The following FBXO8 variants were observed in gnomAD, a reference collection of about 807,000 sequenced individuals.
The protein encoded by FBXO8 is F-box only protein 8.
FBXO8 carries 15 observed loss-of-function variants against 33.4 expected under a neutral mutation model. The observed-to-expected ratio is 0.45, with a 90% CI of 0.30 to 0.69. The LOEUF (loss-of-function observed/expected upper bound fraction) is 0.69, where lower values mean the gene tolerates loss of function less well. FBXO8 is among the 30% of genes least tolerant of loss of function. The probability of loss-of-function intolerance (pLI) is 0.08; values close to 1 mark genes in which losing one functional copy is unlikely to be tolerated. For synonymous variants in FBXO8, 132 were observed against 131.5 expected (o/e 1.00, Z -0.02); for missense variants, 274 against 380.3 (o/e 0.72, Z 2.32).
In FBXO8 at chr4:174,241,737, A is replaced by G. The variant is rs1324180235; in HGVS notation, c.457-519T>C. Among the ~76,000 whole-genome samples, 1 of 151,530 alleles carries G rather than the reference A, an allele frequency of 6.6e-6. No individual in the cohort carries two copies. The highest frequency in any genetic ancestry group is 2.4e-5 in the African/African-American group (1 of 41,396). On this transcript the variant is annotated intron_variant, in intron 3 of 5. Transcript: ENST00000393674. This position sits in a 1 kb window ranked among gnomAD's most constrained non-coding sequence, Gnocchi z 4.2. ...TTTAACTTAAAGTAAAGGAAGCCCA[A>G]CTCCAAACCAATGTATAGGTTGTAC...
Position 174,256,284 on chromosome 4 carries a change from A to C in FBXO8, c.456+3415T>G, listed in dbSNP as rs986585655. 2 of 364,356 alleles carry C rather than the reference A, an allele frequency of 5.5e-6. No homozygotes were observed. The highest frequency in any genetic ancestry group is 4.2e-5 in the African/African-American group (2 of 47,158). The allele number at this position is 364,356 out of a possible 1,614,324, so 22.6% of individuals were successfully genotyped here. On this transcript the variant is annotated intron_variant, in intron 3 of 5. Coordinates refer to ENST00000393674, the MANE Select transcript of FBXO8 (RefSeq NM_012180.3). This position sits in a 1 kb window ranked among gnomAD's most constrained non-coding sequence, Gnocchi z 4.6. Reference sequence around the variant, plus strand: ...CATCTTATCTCAGGTACTTGCAAAAAGCATCACATATTTAAACGTATCATC... The same window carrying C: ...CATCTTATCTCAGGTACTTGCAAAACGCATCACATATTTAAACGTATCATC...
At position 174,270,908 on chromosome 4, in the gene FBXO8, G is replaced by T. The variant is rs114661023; in HGVS notation, c.-8-7808C>A. Reference sequence around the variant, plus strand: ...AGGTTTTAAACTAATATTGGGATAAGTATAAATGGCAGGGTATCATCTCAT... The same window carrying T: ...AGGTTTTAAACTAATATTGGGATAATTATAAATGGCAGGGTATCATCTCAT... On this transcript the variant is annotated intron_variant, in intron 1 of 5. Transcript: ENST00000393674. The surrounding 1 kb of genome is among the most constrained non-coding windows in gnomAD (Gnocchi z 4.6). Among the ~76,000 whole-genome samples, 4,617 of 152,204 alleles carry T rather than the reference G, an allele frequency of 0.03. 231 individuals are homozygous for T. The highest frequency in any genetic ancestry group is 0.1 in the African/African-American group (4,320 of 41,506).
chr4:174,240,980 T>C (rs1736021683), intron 4 of FBXO8, 120 bp downstream of exon 4: 2 of 529,442 alleles, frequency 3.8e-6, no homozygotes, highest in African/African-American at 2.0e-5. Flanking sequence ...ATCTTTTCCC[T>C]GTCTTTATTC....
intron 3 of FBXO8, among the ~76,000 whole-genome samples, chr4:174,243,433 CAT>C (rs912982954): frequency 3.6e-4 from 54 of 151,144 alleles, no homozygotes; most frequent in African/African-American, 1.3e-3. Context: ...TACAAAAAGA[CAT>C]GAGAACAGAT....
At chr4:174,268,832 TA>T (rs2126443418) in intron 1 of FBXO8, among the ~76,000 whole-genome samples, 1 of 152,336 alleles carries the variant, frequency 6.6e-6, no homozygotes, top group East Asian at 1.9e-4. Flanking sequence ...TAATGACAGC[TA>T]AGATAAGAAG....
chr4:174,243,463 A>G (rs1266259822), intron 3 of FBXO8, among the ~76,000 whole-genome samples: 3 of 150,642 alleles, frequency 2.0e-5, no homozygotes, highest in African/African-American at 7.3e-5. Flanking sequence ...GTCTCTAATA[A>G]GCAAGCTGTA....
Position 174,281,678 on chromosome 4 carries a change from T to C in FBXO8, c.-9+1732A>G, listed in dbSNP as rs545632882. ...CTGCACTCCAGCCTGGGCAACAGAATAAAAATCTGTCTCAAAAAAATACTT... is the reference window on the plus strand; with the variant it reads ...CTGCACTCCAGCCTGGGCAACAGAACAAAAATCTGTCTCAAAAAAATACTT... On this transcript the variant is annotated intron_variant, in intron 1 of 5. Coordinates refer to ENST00000393674, the MANE Select transcript of FBXO8 (RefSeq NM_012180.3). This position sits in a 1 kb window ranked among gnomAD's most constrained non-coding sequence, Gnocchi z 4.6. Among the ~76,000 whole-genome samples, 22 of 152,212 alleles carry C rather than the reference T, an allele frequency of 1.4e-4. 1 individual carries two copies. Among genetic ancestry groups the C allele is most frequent in the African/African-American group, 3.9e-4 (16 of 41,546 alleles).
At position 174,256,891 on chromosome 4, in the gene FBXO8, G is replaced by T. The variant is rs891026602; in HGVS notation, c.456+2808C>A. On this transcript the variant is annotated intron_variant, in intron 3 of 5. Transcript: ENST00000393674. This position sits in a 1 kb window ranked among gnomAD's most constrained non-coding sequence, Gnocchi z 4.6. ...TTCAGTGCCTCTGGAATGTTCCAGA[G>T]TATCTTTAAATCAGGCCAGGGAGTA... Among the ~76,000 whole-genome samples, 1 of 151,684 alleles carries T rather than the reference G, an allele frequency of 6.6e-6. No individual in the cohort carries two copies. Among genetic ancestry groups the T allele is most frequent in the Non-Finnish European group, 1.5e-5 (1 of 67,950 alleles).
chr4:174,251,889 T>A lies in FBXO8; in HGVS notation c.456+7810A>T, dbSNP rs1163495881. ...TAAGCCATATTTGGTGAGGGACTCCTCTCACTGTCATCTAGCTTCTTTTGC... is the reference window on the plus strand; with the variant it reads ...TAAGCCATATTTGGTGAGGGACTCCACTCACTGTCATCTAGCTTCTTTTGC... On this transcript the variant is annotated intron_variant, in intron 3 of 5. Transcript: ENST00000393674. The surrounding 1 kb of genome is among the most constrained non-coding windows in gnomAD (Gnocchi z 4.2). Among the ~76,000 whole-genome samples, 1 of 152,168 alleles carries A rather than the reference T, an allele frequency of 6.6e-6. No individual in the cohort carries two copies. The highest frequency in any genetic ancestry group is 1.5e-5 in the Non-Finnish European group (1 of 68,014).
Position 174,262,136 on chromosome 4 carries a change from G to A in FBXO8, c.329+628C>T, listed in dbSNP as rs1330480955. Among the ~76,000 whole-genome samples, 1 of 152,004 alleles carries A rather than the reference G, an allele frequency of 6.6e-6. No individual in the cohort carries two copies. Among genetic ancestry groups the A allele is most frequent in the Non-Finnish European group, 1.5e-5 (1 of 67,952 alleles). ...AGACTAGTACAATGTGGAAATTTAT[G>A]TAATCTAAGTTCAGCAAGTAAATAA... is the stretch of plus-strand genomic sequence containing the variant. On this transcript the variant is annotated intron_variant, in intron 2 of 5. Coordinates refer to ENST00000393674, the MANE Select transcript of FBXO8 (RefSeq NM_012180.3). The surrounding 1 kb of genome is among the most constrained non-coding windows in gnomAD (Gnocchi z 4.6).
chr4:174,239,320 A>G (rs1735973696), intron 4 of FBXO8, 130 bp from the exon 5 acceptor site: 1 of 490,852 alleles, frequency 2.0e-6, no homozygotes, highest in South Asian at 5.4e-5. Flanking sequence ...TAATCCTATA[A>G]AAGTATATAT....
Position 174,247,501 on chromosome 4 carries a change from AC to A in FBXO8, c.457-6284del, listed in dbSNP as rs759052601. Among the ~76,000 whole-genome samples, 1 of 152,060 alleles carries A rather than the reference AC, an allele frequency of 6.6e-6. No individual in the cohort carries two copies. Among genetic ancestry groups the A allele is most frequent in the Non-Finnish European group, 1.5e-5 (1 of 67,974 alleles). On this transcript the variant is annotated intron_variant, in intron 3 of 5. Coordinates refer to ENST00000393674, the MANE Select transcript of FBXO8 (RefSeq NM_012180.3). This position sits in a 1 kb window ranked among gnomAD's most constrained non-coding sequence, Gnocchi z 4.6. ...CTGCATTTAATTTTCTTTTAAAAAAACATTTTGAAGACTTTAAAAATAGTAA... is the reference window on the plus strand; with the variant it reads ...CTGCATTTAATTTTCTTTTAAAAAAAATTTTGAAGACTTTAAAAATAGTAA...
At position 174,278,984 on chromosome 4, in the gene FBXO8, G is replaced by A. The variant is rs1164658077; in HGVS notation, c.-9+4426C>T. ...TTTTGAGGTCTCAGTTTCCTCCCCT[G>A]TAAAATAAGGGTTTTGAAACTGGTG... On this transcript the variant is annotated intron_variant, in intron 1 of 5. Coordinates refer to ENST00000393674, the MANE Select transcript of FBXO8 (RefSeq NM_012180.3). The surrounding 1 kb of genome is among the most constrained non-coding windows in gnomAD (Gnocchi z 4.1). Among the ~76,000 whole-genome samples, 2 of 151,996 alleles carry A rather than the reference G, an allele frequency of 1.3e-5. No homozygotes were observed. Among genetic ancestry groups the A allele is most frequent in the African/African-American group, 4.8e-5 (2 of 41,422 alleles).
intron 1 of FBXO8, among the ~76,000 whole-genome samples, chr4:174,268,833 A>G (rs1736764232): frequency 6.6e-6 from 1 of 152,236 alleles, no homozygotes; most frequent in Non-Finnish European, 1.5e-5. Flanking sequence ...AATGACAGCT[A>G]AGATAAGAAG....
At chr4:174,244,743 A>AT (rs1400252656) in intron 3 of FBXO8, among the ~76,000 whole-genome samples, 1 of 151,720 alleles carries the variant, frequency 6.6e-6, no homozygotes. Flanking sequence ...GCCAAAATAT[A>AT]TTTTTAAAAA....
rs1262927127 is a variant in FBXO8, at chr4:174,247,491, T to C, written c.457-6273A>G. ...CAATTGGATACTGCATTTAATTTTC[T>C]TTTAAAAAAACATTTTGAAGACTTT... On this transcript the variant is annotated intron_variant, in intron 3 of 5. Transcript: ENST00000393674. This position sits in a 1 kb window ranked among gnomAD's most constrained non-coding sequence, Gnocchi z 4.6. 6.6e-6 allele frequency among the ~76,000 whole-genome samples: 1 copy of C among 152,058 alleles called. No individual in the cohort carries two copies. Among genetic ancestry groups the C allele is most frequent in the Non-Finnish European group, 1.5e-5 (1 of 67,980 alleles).
intron 1 of FBXO8, among the ~76,000 whole-genome samples, chr4:174,269,558 G>T (rs892254758): frequency 2.0e-5 from 3 of 151,652 alleles, no homozygotes; most frequent in African/African-American, 7.3e-5. Flanking sequence ...TGTGGTGCAC[G>T]CCCGTAATCC....
In FBXO8 at chr4:174,263,374, C is replaced by T. The variant is rs1462939271; in HGVS notation, c.-8-274G>A. On this transcript the variant is annotated intron_variant, in intron 1 of 5. Transcript: ENST00000393674. The surrounding 1 kb of genome is among the most constrained non-coding windows in gnomAD (Gnocchi z 4.2). ...CCATATGTGACATAATCATTTTTCACGTGGTAAGATTTAAAAGTTACTGAT... is the reference window on the plus strand; with the variant it reads ...CCATATGTGACATAATCATTTTTCATGTGGTAAGATTTAAAAGTTACTGAT... 2.6e-5 allele frequency among the ~76,000 whole-genome samples: 4 copies of T among 152,130 alleles called. No individual in the cohort carries two copies. Among genetic ancestry groups the T allele is most frequent in the South Asian group, 4.1e-4 (2 of 4,828 alleles).
At chr4:174,244,472 C>G (rs1736113969) in intron 3 of FBXO8, among the ~76,000 whole-genome samples, 1 of 151,652 alleles carries the variant, frequency 6.6e-6, no homozygotes, top group East Asian at 1.9e-4. Flanking sequence ...CTCAGAACTA[C>G]TTAAATTTGA....
Sources: allele counts gnomAD v4.1 joint callset (sites outside exome capture counted in the v4.1 genomes callset), GRCh38; gene constraint gnomAD v4.1.1; non-coding constraint Gnocchi (gnomAD v3.1); transcripts MANE v1.5; gene names NCBI Gene and HGNC (gene_info 2026-07-23, HGNC 2026-07-21).